Variants in ARHGEF33 observed in about 807,000 individuals in gnomAD.
ARHGEF33 encodes DH and coiled-coil domain-containing protein ENSP00000381780.
Under a neutral mutation model 101.9 loss-of-function variants are expected in ARHGEF33, and 72 were observed. The ratio of observed to expected loss-of-function variants is 0.71; its 90% CI spans 0.58 to 0.86. ARHGEF33 has a LOEUF of 0.86. Ranked by LOEUF, ARHGEF33 falls within the 40% of genes least tolerant of loss-of-function variation. ARHGEF33 has a pLI of 0.00. For missense variants in ARHGEF33, 1,169 were observed against 1,111.3 expected (o/e 1.05, Z -0.74); for synonymous variants, 499 against 442.5 (o/e 1.13, Z -1.60).
At chr2:38,895,073 C>G (rs1212109072) in intron 1 of ARHGEF33, among the ~76,000 whole-genome samples, 1 of 152,162 alleles carries the variant, frequency 6.6e-6, no homozygotes, top group East Asian at 1.9e-4. Flanking sequence ...GGCTTTGCCC[C>G]TCCCTAAACT....
At chr2:38,948,483 T>G (rs1405939721) in intron 10 of ARHGEF33, among the ~76,000 whole-genome samples, 1 of 150,372 alleles carries the variant, frequency 6.7e-6, no homozygotes, top group Non-Finnish European at 1.5e-5. Context: ...TCCAAGTACA[T>G]TGACCACAGT....
intron 17 of ARHGEF33, among the ~76,000 whole-genome samples, chr2:38,970,278 A>G (rs1260679822): frequency 6.6e-6 from 1 of 152,170 alleles, no homozygotes; most frequent in African/African-American, 2.4e-5. Context: ...CCCGTATGTA[A>G]TCATTTTATC....
At chr2:38,962,825 C>T (rs1823859) in intron 16 of ARHGEF33, among the ~76,000 whole-genome samples, 128,981 of 137,230 alleles carry the variant, frequency 0.94, 60,630 homozygotes, top group African/African-American at 0.97. Flanking sequence ...CCATCCTGGT[C>T]AACACGGTGA....
intron 1 of ARHGEF33, among the ~76,000 whole-genome samples, chr2:38,893,156 C>G (rs1241008025): frequency 6.3e-5 from 3 of 47,984 alleles, no homozygotes; most frequent in Admixed American, 4.0e-4. Flanking sequence ...CTCTGGTAAT[C>G]CTTTTTTTTT....
intron 6 of ARHGEF33, 61 bp from the exon 7 acceptor site, chr2:38,931,048 T>C: frequency 1.5e-6 from 2 of 1,292,732 alleles, no homozygotes; most frequent in South Asian, 1.5e-5. Context: ...GAACTGAATC[T>C]CCTCATAACC....
At chr2:38,942,714 TC>T (rs1320549399) in intron 9 of ARHGEF33, among the ~76,000 whole-genome samples, 1 of 151,992 alleles carries the variant, frequency 6.6e-6, no homozygotes, top group Non-Finnish European at 1.5e-5. Context: ...TTCTTCAGGG[TC>T]CCCCCTCCTT....
chr2:38,929,335 A>G (rs1453984010), intron 5 of ARHGEF33, among the ~76,000 whole-genome samples: 6 of 152,132 alleles, frequency 3.9e-5, no homozygotes, highest in Non-Finnish European at 8.8e-5. Flanking sequence ...AGACTGAGGC[A>G]GGAGAATCGC....
At chr2:38,902,319 A>G (rs1666267407) in intron 2 of ARHGEF33, among the ~76,000 whole-genome samples, 1 of 152,146 alleles carries the variant, frequency 6.6e-6, no homozygotes. Flanking sequence ...ATCTGACCTG[A>G]CAGCCATTTT....
At position 38,958,180 on chromosome 2, in the gene ARHGEF33, G is replaced by C. The variant is rs370134244; in HGVS notation, c.1517G>C (p.Ser506Thr). 2 of 1,551,608 alleles carry C rather than the reference G, an allele frequency of 1.3e-6. No individual in the cohort carries two copies. Among genetic ancestry groups the C allele is most frequent in the African/African-American group, 1.4e-5 (1 of 73,048 alleles). ...CTGCAACCCTACCCTTCTGCTCCCA[G>C]TTCTGGCCCTGCCATCACGTAAGCA... Reference protein sequence around the residue: ...ELLQPYPSAPSSGPAITHLMP... With the variant: ...ELLQPYPSAPTSGPAITHLMP... Residue 506 changes from serine to threonine, a missense_variant, in exon 15 of 18, where the codon AGT (serine) becomes ACT (threonine). Physicochemically the swap from Ser to Thr is moderately conservative, Grantham distance 58 (BLOSUM62 1). Transcript: ENST00000409978.
At chr2:38,933,733 A>G (rs1317049903) in intron 7 of ARHGEF33, among the ~76,000 whole-genome samples, 1 of 152,098 alleles carries the variant, frequency 6.6e-6, no homozygotes, top group African/African-American at 2.4e-5. Flanking sequence ...GTCATATTCT[A>G]TTCATTAGAG....
chr2:38,946,510 G>T (rs759603658), intron 10 of ARHGEF33, among the ~76,000 whole-genome samples: 2 of 152,140 alleles, frequency 1.3e-5, no homozygotes, highest in Non-Finnish European at 2.9e-5. Flanking sequence ...GAAGTCTCTG[G>T]TTCTGAGCTT....
chr2:38,924,622 A>T, intron 4 of ARHGEF33, among the ~76,000 whole-genome samples: 1 of 152,112 alleles, frequency 6.6e-6, no homozygotes, highest in Non-Finnish European at 1.5e-5. Context: ...TGTTTTATGT[A>T]TTTTATTATT....
intron 9 of ARHGEF33, among the ~76,000 whole-genome samples, chr2:38,940,018 A>G (rs1268140767): frequency 2.0e-5 from 3 of 152,230 alleles, no homozygotes; most frequent in South Asian, 4.2e-4. Context: ...TTTTTTCCAG[A>G]TGGCTATCCA....
At chr2:38,924,892 A>G (rs1666838579) in intron 4 of ARHGEF33, among the ~76,000 whole-genome samples, 1 of 152,242 alleles carries the variant, frequency 6.6e-6, no homozygotes, top group Non-Finnish European at 1.5e-5. Context: ...TAAAACAAAA[A>G]CATAGTATGA....
intron 13 of ARHGEF33, among the ~76,000 whole-genome samples, chr2:38,955,396 A>G (rs1371609920): frequency 2.6e-5 from 4 of 152,160 alleles, no homozygotes; most frequent in Admixed American, 6.5e-5. Context: ...AAGTAATTCA[A>G]TGAAAGCGTC....
Position 38,960,103 on chromosome 2 carries a change from G to C in ARHGEF33, c.1798G>C (p.Glu600Gln). 1 of 1,542,084 alleles carries C rather than the reference G, an allele frequency of 6.5e-7. No homozygotes were observed. The highest frequency in any genetic ancestry group is 8.7e-7 in the Non-Finnish European group (1 of 1,145,030). Residue 600 changes from glutamate to glutamine, a missense_variant, in exon 16 of 18, where the codon GAG becomes CAG. Glu to Gln is a conservative substitution (Grantham distance 29, BLOSUM62 2). Transcript: ENST00000409978. ...GGAGCGCTCCCTGCGCGCCCCGGCCGAGCTCCTGCCCGATGCCCGCGGCTT... is the reference window on the plus strand; with the variant it reads ...GGAGCGCTCCCTGCGCGCCCCGGCCCAGCTCCTGCCCGATGCCCGCGGCTT... ...NVERSLRAPA[E>Q]LLPDARGFVP...
intron 10 of ARHGEF33, among the ~76,000 whole-genome samples, chr2:38,949,081 C>T (rs573694823): frequency 1.3e-5 from 2 of 152,180 alleles, no homozygotes; most frequent in Admixed American, 6.5e-5. Flanking sequence ...ACCCTATTCT[C>T]GTGTTTGTGT....
At chr2:38,966,807 G>A (rs2124430574) in intron 17 of ARHGEF33, among the ~76,000 whole-genome samples, 1 of 152,268 alleles carries the variant, frequency 6.6e-6, no homozygotes, top group African/African-American at 2.4e-5. Context: ...TTACAGTCTG[G>A]GAGGCAGTGG....
chr2:38,951,580 G>A (rs934632218), intron 11 of ARHGEF33, among the ~76,000 whole-genome samples: 5 of 151,354 alleles, frequency 3.3e-5, no homozygotes, highest in Non-Finnish European at 5.9e-5. Context: ...TAGCTTGAGC[G>A]ACACAGCAAG....
Sources: gnomAD v4.1 joint callset for allele counts (sites outside exome capture counted in the v4.1 genomes callset) on GRCh38, gnomAD v4.1.1 for gene constraint, MANE v1.5 for transcripts, NCBI Gene and HGNC (gene_info 2026-07-23, HGNC 2026-07-21) for gene names.